The following GRID2 variants were observed in gnomAD, a reference collection of about 807,000 sequenced individuals.
The protein encoded by GRID2 is glutamate ionotropic receptor delta type subunit 2.
In GRID2, 33 loss-of-function variants were observed where a neutral mutation model predicts 114.8. The observed-to-expected ratio is 0.29, with a 90% confidence interval of 0.22 to 0.38. The LOEUF (loss-of-function observed/expected upper bound fraction) is 0.38, where lower values mean the gene tolerates loss of function less well. Among genes scored for constraint, GRID2 ranks in the 10% least tolerant of loss-of-function variants. The probability of loss-of-function intolerance (pLI) is 1.00; values close to 1 mark genes in which losing one functional copy is unlikely to be tolerated. For synonymous variants in GRID2, 505 were observed against 449.9 expected (o/e 1.12, Z -1.55); for missense variants, 1,184 against 1,257.7 (o/e 0.94, Z 0.89).
intron 1 of GRID2, among the ~76,000 whole-genome samples, chr4:92,356,912 C>G (rs1728357092): frequency 6.6e-6 from 1 of 151,780 alleles, no homozygotes; most frequent in Non-Finnish European, 1.5e-5. Context: ...AATCATTACT[C>G]TGTAACAAAC....
intron 1 of GRID2, among the ~76,000 whole-genome samples, chr4:92,369,450 CTT>C (rs1300743086): frequency 6.6e-6 from 1 of 152,112 alleles, no homozygotes; most frequent in Non-Finnish European, 1.5e-5. Flanking sequence ...TTTTCAAACA[CTT>C]TTAATCAGAT....
intron 1 of GRID2, among the ~76,000 whole-genome samples, chr4:92,440,343 G>A (rs1247017836): frequency 1.5e-5 from 2 of 136,166 alleles, no homozygotes; most frequent in African/African-American, 5.0e-5. Context: ...GAGGAATTAT[G>A]TCTGACAGAA....
intron 2 of GRID2, among the ~76,000 whole-genome samples, chr4:92,696,557 A>G (rs534607063): frequency 6.6e-6 from 1 of 152,224 alleles, no homozygotes; most frequent in South Asian, 2.1e-4. Flanking sequence ...AAAGACAAAA[A>G]TCTTTTATCC....
intron 14 of GRID2, among the ~76,000 whole-genome samples, chr4:93,650,937 G>C (rs1469225161): frequency 2.6e-5 from 4 of 151,956 alleles, no homozygotes; most frequent in African/African-American, 9.7e-5. Context: ...GAAAACAAAG[G>C]CTTCTAGACT....
intron 1 of GRID2, among the ~76,000 whole-genome samples, chr4:92,330,368 T>G (rs1726819553): frequency 6.6e-6 from 1 of 152,056 alleles, no homozygotes; most frequent in East Asian, 1.9e-4. Context: ...AATCTTGCAG[T>G]GGTTTGGATG....
At chr4:93,260,734 A>G (rs1750163732) in intron 8 of GRID2, among the ~76,000 whole-genome samples, 1 of 151,826 alleles carries the variant, frequency 6.6e-6, no homozygotes, top group Non-Finnish European at 1.5e-5. Context: ...GGCCAATCAC[A>G]GGATGATCAT....
Position 93,085,164 on chromosome 4 carries a change from G to A in GRID2, c.414G>A (p.Arg138=), listed in dbSNP as rs768903571. Residue 138 remains arginine (R), a synonymous_variant, in exon 3 of 16, where the codon AGG becomes AGA. Coordinates refer to ENST00000282020, the MANE Select transcript of GRID2 (RefSeq NM_001510.4). ...GCTGTGGACTCACCCGGAGCAACAG[G>A]AATGATGACTACACTCTCTCAGTTC... ...RSGCGLTRSN[R]NDDYTLSVRP... The A allele has an allele frequency of 3.1e-5, 50 of 1,613,926 alleles. No homozygotes were observed. Among genetic ancestry groups the A allele is most frequent in the Admixed American group, 6.7e-5 (4 of 59,994 alleles).
At chr4:93,677,917 C>T (rs545243970) in intron 14 of GRID2, among the ~76,000 whole-genome samples, 32 of 149,974 alleles carry the variant, frequency 2.1e-4, no homozygotes, top group Admixed American at 6.0e-4. Context: ...AGCAACGGAA[C>T]AAAGCTGGAT....
chr4:92,348,116 T>A (rs920071204), intron 1 of GRID2, among the ~76,000 whole-genome samples: 1 of 152,134 alleles, frequency 6.6e-6, no homozygotes, highest in African/African-American at 2.4e-5. Context: ...CCACCATGCC[T>A]GGCTACTTGT....
chr4:93,784,310 A>G (rs1734548385), intron 1 of GRID2, among the ~76,000 whole-genome samples: 1 of 151,980 alleles, frequency 6.6e-6, no homozygotes, highest in African/African-American at 2.4e-5. Context: ...ATGCTGCTCC[A>G]TGATTTATTT....
intron 2 of GRID2, among the ~76,000 whole-genome samples, chr4:92,956,987 G>A (rs532697000): frequency 6.6e-6 from 1 of 151,916 alleles, no homozygotes; most frequent in Non-Finnish European, 1.5e-5. Context: ...AATGTATTTG[G>A]CTCATTTTTT....
chr4:92,613,524 T>A (rs1729851639), intron 2 of GRID2, among the ~76,000 whole-genome samples: 1 of 151,514 alleles, frequency 6.6e-6, no homozygotes, highest in Admixed American at 6.6e-5. Context: ...TGATAGAAGT[T>A]AGCAGTATGT....
At chr4:93,605,385 C>A (rs1352519388) in intron 13 of GRID2, among the ~76,000 whole-genome samples, 1 of 152,152 alleles carries the variant, frequency 6.6e-6, no homozygotes, top group Non-Finnish European at 1.5e-5. Flanking sequence ...GTCATACCTA[C>A]ACTTTTTGAA....
intron 4 of GRID2, among the ~76,000 whole-genome samples, chr4:93,175,142 T>C (rs1739230403): frequency 6.7e-6 from 1 of 149,834 alleles, no homozygotes; most frequent in African/African-American, 2.5e-5. Flanking sequence ...ATGTTATCAT[T>C]GTTTTTTTAT....
intron 2 of GRID2, among the ~76,000 whole-genome samples, chr4:93,007,985 A>G (rs1721732373): frequency 6.6e-6 from 1 of 151,006 alleles, no homozygotes; most frequent in Non-Finnish European, 1.5e-5. Flanking sequence ...CAGTGAGCCA[A>G]GATCGTGCCA....
intron 2 of GRID2, among the ~76,000 whole-genome samples, chr4:92,768,511 C>T (rs1738376659): frequency 1.3e-5 from 2 of 152,208 alleles, no homozygotes; most frequent in African/African-American, 2.4e-5. Flanking sequence ...TTCAATCTAG[C>T]AGCAAATTAG....
chr4:92,912,725 T>C (rs1391881906), intron 2 of GRID2, among the ~76,000 whole-genome samples: 1 of 151,862 alleles, frequency 6.6e-6, no homozygotes, highest in Admixed American at 6.6e-5. Context: ...CAATGAGTTA[T>C]AGAGATGTCG....
chr4:93,183,622 G>A (rs1740114874), intron 4 of GRID2, among the ~76,000 whole-genome samples: 1 of 152,190 alleles, frequency 6.6e-6, no homozygotes, highest in African/African-American at 2.4e-5. Flanking sequence ...ACAAGGCAAT[G>A]TAGGGCAATT....
At chr4:93,634,946 CTT>C (rs10557894) in intron 14 of GRID2, among the ~76,000 whole-genome samples, 87,673 of 151,616 alleles carry the variant, frequency 0.58, 26,066 homozygotes, top group East Asian at 0.71. Flanking sequence ...CTTACTTCTC[CTT>C]TTCTTGGTCA....
Sources: allele counts gnomAD v4.1 joint callset (sites outside exome capture counted in the v4.1 genomes callset), GRCh38; gene constraint gnomAD v4.1.1; transcripts MANE v1.5; gene names NCBI Gene and HGNC (gene_info 2026-07-23, HGNC 2026-07-21).